ELL: variants seen among roughly 807,000 people sequenced by gnomAD.
ELL encodes the protein elongation factor for RNA polymerase II, also known as RNA polymerase II elongation factor ELL.
In ELL, 18 loss-of-function variants were observed where a neutral mutation model predicts 64.0. The ratio of observed to expected loss-of-function variants is 0.28; its 90% confidence interval spans 0.19 to 0.42. ELL has a LOEUF of 0.42. Among genes scored for constraint, ELL ranks in the 10% least tolerant of loss-of-function variants. The pLI, the probability that ELL is intolerant of heterozygous loss-of-function variation, is 1.00. For synonymous variants in ELL, 399 were observed against 376.2 expected, an observed-to-expected ratio of 1.06 and a Z score of -0.70; for missense variants, 797 against 870.4, an observed-to-expected ratio of 0.92 and a Z score of 1.06.
intron 1 of ELL, among the ~76,000 whole-genome samples, chr19:18,507,936 A>T (rs554816657): frequency 6.6e-6 from 1 of 152,328 alleles, no homozygotes; most frequent in East Asian, 1.9e-4. Flanking sequence ...TCCATGCGGC[A>T]GCTGCTCCCA....
intron 1 of ELL, among the ~76,000 whole-genome samples, chr19:18,481,058 G>A (rs1336099969): frequency 2.0e-5 from 3 of 152,268 alleles, no homozygotes; most frequent in African/African-American, 4.8e-5. Flanking sequence ...CACGCTCCAC[G>A]CACCTTGCTT....
intron 5 of ELL, among the ~76,000 whole-genome samples, chr19:18,458,906 C>T (rs1382962421): frequency 3.3e-5 from 5 of 151,420 alleles, no homozygotes; most frequent in Non-Finnish European, 1.5e-5. Context: ...GGATTCCAGC[C>T]ACCACACCTG....
intron 8 of ELL, 111 bp from the exon 9 acceptor site, chr19:18,446,925 C>T: frequency 8.5e-7 from 1 of 1,179,158 alleles, no homozygotes; most frequent in Non-Finnish European, 1.2e-6. Context: ...GCTGGAGGGA[C>T]ATAGAGGGAT....
At chr19:18,518,646 C>G (rs535004160) in intron 1 of ELL, among the ~76,000 whole-genome samples, 13 of 152,052 alleles carry the variant, frequency 8.5e-5, no homozygotes, top group Admixed American at 8.5e-4. Flanking sequence ...CAAAAATTAG[C>G]CAGGCACGGT....
At chr19:18,495,383 G>A (rs903643471) in intron 1 of ELL, among the ~76,000 whole-genome samples, 1 of 152,172 alleles carries the variant, frequency 6.6e-6, no homozygotes, top group Admixed American at 6.5e-5. Context: ...GGCAACAGCA[G>A]CAAAAAGCCC....
chr19:18,469,260 A>G (rs1273989012), intron 2 of ELL, among the ~76,000 whole-genome samples: 1 of 152,156 alleles, frequency 6.6e-6, no homozygotes, highest in Non-Finnish European at 1.5e-5. Context: ...GGAGCCAGAC[A>G]CCGAGGTTCT....
intron 1 of ELL, among the ~76,000 whole-genome samples, chr19:18,479,084 C>A (rs976791518): frequency 1.3e-5 from 2 of 152,198 alleles, no homozygotes; most frequent in African/African-American, 4.8e-5. Context: ...ACCTCCAGGC[C>A]GAGTGACCAG....
chr19:18,472,958 C>T (rs1568385514), intron 1 of ELL, 76 bp from the exon 2 acceptor site: 1 of 1,470,986 alleles, frequency 6.8e-7, no homozygotes, highest in African/African-American at 1.4e-5. Flanking sequence ...AGACTCCCTC[C>T]CCAGGTATAG....
At chr19:18,485,736 C>G (rs558984853) in intron 1 of ELL, among the ~76,000 whole-genome samples, 1 of 152,248 alleles carries the variant, frequency 6.6e-6, no homozygotes, top group South Asian at 2.1e-4. Context: ...ACCTGTAATC[C>G]CAGCACTTTG....
chr19:18,492,150 C>G (rs1975545624), intron 1 of ELL, among the ~76,000 whole-genome samples: 1 of 152,158 alleles, frequency 6.6e-6, no homozygotes. Flanking sequence ...GACCATGACA[C>G]TAGGAGAGGA....
chr19:18,446,616 A>T, intron 9 of ELL, 132 bp downstream of exon 9: 1 of 1,489,642 alleles, frequency 6.7e-7, no homozygotes. Flanking sequence ...GGCCCAGAAG[A>T]GGCTGCTATG....
At position 18,482,308 on chromosome 19, in the gene ELL, C is replaced by CTT. The variant is rs530594631; in HGVS notation, c.136-9428_136-9427dup. ...TAGTCCATGGCTTGTCTTTTCATTCCTTTTTTTTTTTTTTTTTTTTTTTTT... is the reference window on the plus strand; with the variant it reads ...TAGTCCATGGCTTGTCTTTTCATTCCTTTTTTTTTTTTTTTTTTTTTTTTTTT... On this transcript the variant is annotated intron_variant, in intron 1 of 11. Coordinates refer to ENST00000262809, the MANE Select transcript of ELL (RefSeq NM_006532.4). Among the ~76,000 whole-genome samples, 509 of 77,524 alleles carry CTT rather than the reference C, an allele frequency of 6.6e-3. 61 individuals are homozygous for CTT. Among genetic ancestry groups the CTT allele is most frequent in the African/African-American group, 0.015 (233 of 15,306 alleles). 50.9% of individuals were successfully genotyped at this position (77,524 alleles called of 152,430 possible).
At chr19:18,487,125 C>T (rs1476191514) in intron 1 of ELL, among the ~76,000 whole-genome samples, 1 of 152,316 alleles carries the variant, frequency 6.6e-6, no homozygotes, top group Non-Finnish European at 1.5e-5. Flanking sequence ...CGCTACCCCC[C>T]ACCAGGAGAC....
chr19:18,469,069 G>T (rs984958524), intron 2 of ELL, among the ~76,000 whole-genome samples: 1 of 152,234 alleles, frequency 6.6e-6, no homozygotes, highest in African/African-American at 2.4e-5. Context: ...CCAGGGCCAG[G>T]TGTGCAGCTG....
chr19:18,520,760 A>G (rs1976250476), intron 1 of ELL, among the ~76,000 whole-genome samples: 1 of 119,620 alleles, frequency 8.4e-6, no homozygotes. Flanking sequence ...ACACACACGC[A>G]GGGAGCAGGG....
In ELL at chr19:18,444,880, C is replaced by A. The variant is rs1345871806; in HGVS notation, c.1750-12G>T. 1.2e-6 allele frequency: 2 copies of A among 1,608,734 alleles called. No individual in the cohort carries two copies. Among genetic ancestry groups the A allele is most frequent in the Admixed American group, 1.7e-5 (1 of 59,874 alleles). On this transcript the variant is annotated splice_polypyrimidine_tract_variant and intron_variant, in intron 11 of 11. Coordinates refer to ENST00000262809, the MANE Select transcript of ELL (RefSeq NM_006532.4). ...TAGTTGGTGTTGGTCTGTGGGACAG[C>A]ACAGTCATGCTCAGGACAGAGCCGC... is the stretch of plus-strand genomic sequence containing the variant.
At chr19:18,458,137 T>C in intron 6 of ELL, 68 bp downstream of exon 6, 1 of 1,584,454 alleles carries the variant, frequency 6.3e-7, no homozygotes, top group South Asian at 1.1e-5. Flanking sequence ...CACCCCAGCA[T>C]CCTCTGGGTA....
intron 1 of ELL, among the ~76,000 whole-genome samples, chr19:18,487,112 C>A (rs928714635): frequency 4.6e-5 from 7 of 152,154 alleles, no homozygotes; most frequent in Non-Finnish European, 8.8e-5. Context: ...GCTGCTCAGA[C>A]CCCGCTACCC....
intron 2 of ELL, among the ~76,000 whole-genome samples, chr19:18,468,177 ACACAAC>A (rs1229999406): frequency 4.1e-5 from 6 of 147,090 alleles, no homozygotes. Flanking sequence ...ATAACCACAC[ACACAAC>A]CACAACCCAC....
Sources: allele counts gnomAD v4.1 joint callset (sites outside exome capture counted in the v4.1 genomes callset), GRCh38; gene constraint gnomAD v4.1.1; transcripts MANE v1.5; gene names NCBI Gene and HGNC (gene_info 2026-07-23, HGNC 2026-07-21).